The following MECOM variants were observed in gnomAD, a reference collection of about 807,000 sequenced individuals.
MECOM encodes histone-lysine N-methyltransferase MECOM.
MECOM carries 13 observed loss-of-function variants against 116.3 expected under a neutral mutation model. That is an observed-to-expected ratio of 0.11 (90% confidence interval 0.07 to 0.18). The LOEUF (loss-of-function observed/expected upper bound fraction) is 0.18. Among genes scored for constraint, MECOM ranks in the 10% least tolerant of loss-of-function variants. MECOM has a pLI of 1.00. For missense variants in MECOM, 1,299 were observed against 1,509.0 expected (o/e 0.86, Z 2.31); for synonymous variants, 528 against 535.2 (o/e 0.99, Z 0.19).
intron 1 of MECOM, among the ~76,000 whole-genome samples, chr3:169,641,197 T>C (rs549758485): frequency 2.0e-5 from 3 of 152,228 alleles, no homozygotes; most frequent in African/African-American, 7.2e-5. Context: ...CAGAGCAAGA[T>C]TAAGGAATCA....
chr3:169,381,589 A>G (rs749341036), intron 1 of MECOM, 65 bp from the exon 2 acceptor site: 2 of 1,224,778 alleles, frequency 1.6e-6, no homozygotes, highest in Non-Finnish European at 2.2e-6. Context: ...CCACAGGGGT[A>G]GCCACCTTAT....
At position 169,131,524 on chromosome 3, in the gene MECOM, T is replaced by C. The variant is rs1316879657; in HGVS notation, c.518A>G (p.Tyr173Cys). 2.5e-6 allele frequency: 4 copies of C among 1,611,224 alleles called. No individual in the cohort carries two copies. Among genetic ancestry groups the C allele is most frequent in the Admixed American group, 1.7e-5 (1 of 59,658 alleles). The change falls in exon 4 of 17, where the codon TAT (tyrosine) becomes TGT (cysteine). Residue 173 changes from tyrosine (Y) to cysteine (C), a missense_variant. This residue lies in a region of MECOM where 374 missense variants were observed against 433.4 expected (regional missense o/e 0.86). Transcript: ENST00000651503. ...VACQINDQIF[Y>C]RVVADIAPGE... is the part of the protein sequence containing the mutation. Reference sequence around the variant, plus strand: ...CGGCGCAATGTCTGCAACTACTCTATAGAATATCTTTAAAGACAAAATAAA... The same window carrying C: ...CGGCGCAATGTCTGCAACTACTCTACAGAATATCTTTAAAGACAAAATAAA...
chr3:169,131,943 C>T (rs905002008), intron 3 of MECOM: 12 of 996,264 alleles, frequency 1.2e-5, no homozygotes, highest in Non-Finnish European at 1.4e-5. Context: ...TACCTTGTAC[C>T]TTCCCCACTT....
chr3:169,394,821 A>G (rs1734770424), intron 1 of MECOM, among the ~76,000 whole-genome samples: 2 of 152,160 alleles, frequency 1.3e-5, no homozygotes, highest in South Asian at 2.1e-4. Flanking sequence ...TTTGCATAGT[A>G]CAAAGGATTT....
intron 1 of MECOM, among the ~76,000 whole-genome samples, chr3:169,634,553 CCCAGCT>C (rs1367662569): frequency 6.6e-6 from 1 of 152,128 alleles, no homozygotes; most frequent in Non-Finnish European, 1.5e-5. Context: ...GCAGAAGGGC[CCCAGCT>C]CCAGTCAACC....
chr3:169,485,995 GTA>G (rs1254284879), intron 1 of MECOM, among the ~76,000 whole-genome samples: 2 of 65,078 alleles, frequency 3.1e-5, no homozygotes, highest in Non-Finnish European at 6.0e-5. Context: ...GTATATATAT[GTA>G]TATATATACT....
At chr3:169,105,379 T>C (rs1158096435) in intron 10 of MECOM, among the ~76,000 whole-genome samples, 1 of 152,164 alleles carries the variant, frequency 6.6e-6, no homozygotes, top group Non-Finnish European at 1.5e-5. Flanking sequence ...CAACTCTCTC[T>C]TGCTATCTGG....
chr3:169,191,731 AGAAAGAAAGAG>A (rs1747643123), intron 2 of MECOM, among the ~76,000 whole-genome samples: 1 of 32,016 alleles, frequency 3.1e-5, no homozygotes, highest in African/African-American at 6.7e-5. Flanking sequence ...AAAGAAAGAA[AGAAAGAAAGAG>A]AAAGAAAGAA....
intron 2 of MECOM, among the ~76,000 whole-genome samples, chr3:169,358,817 A>T (rs2149818794): frequency 6.6e-6 from 1 of 151,928 alleles, no homozygotes; most frequent in East Asian, 1.9e-4. Flanking sequence ...GTGGCTTTCA[A>T]AAGGATAACA....
intron 2 of MECOM, among the ~76,000 whole-genome samples, chr3:169,186,097 T>C (rs1746668934): frequency 6.6e-6 from 1 of 152,138 alleles, no homozygotes; most frequent in Non-Finnish European, 1.5e-5. Flanking sequence ...CCTAGTATCT[T>C]ATGCTTCTGC....
chr3:169,660,339 C>T (rs1487076739), intron 1 of MECOM, among the ~76,000 whole-genome samples: 1 of 152,028 alleles, frequency 6.6e-6, no homozygotes, highest in Admixed American at 6.6e-5. Flanking sequence ...TTTTAACCTT[C>T]CCAAATGATT....
chr3:169,366,958 A>G (rs928694131), intron 2 of MECOM, among the ~76,000 whole-genome samples: 1 of 152,098 alleles, frequency 6.6e-6, no homozygotes, highest in African/African-American at 2.4e-5. Context: ...CATGGCAAGA[A>G]TAAAAGAGAT....
intron 2 of MECOM, among the ~76,000 whole-genome samples, chr3:169,309,469 C>T (rs1055925549): frequency 6.6e-6 from 1 of 152,120 alleles, no homozygotes; most frequent in Admixed American, 6.5e-5. Flanking sequence ...CAAAAACTAA[C>T]TTCATCTGGA....
At chr3:169,539,739 A>G (rs1017056051) in intron 1 of MECOM, among the ~76,000 whole-genome samples, 1 of 151,662 alleles carries the variant, frequency 6.6e-6, no homozygotes, top group African/African-American at 2.4e-5. Context: ...ATCAGACCAC[A>G]GCACTTTCCT....
chr3:169,582,289 A>G (rs886886572), intron 1 of MECOM, among the ~76,000 whole-genome samples: 1 of 152,120 alleles, frequency 6.6e-6, no homozygotes, highest in African/African-American at 2.4e-5. Flanking sequence ...GGAGAAAGGA[A>G]AGGACTAAAT....
intron 2 of MECOM, among the ~76,000 whole-genome samples, chr3:169,283,637 A>G (rs2149683000): frequency 6.6e-6 from 1 of 152,236 alleles, no homozygotes; most frequent in South Asian, 2.1e-4. Context: ...TCTCTCTCAT[A>G]TTTAATGGAC....
intron 2 of MECOM, among the ~76,000 whole-genome samples, chr3:169,233,144 A>G (rs1387736422): frequency 1.3e-5 from 2 of 152,088 alleles, no homozygotes; most frequent in Non-Finnish European, 2.9e-5. Flanking sequence ...TGGTTTTCCT[A>G]TGTTTCAATT....
At chr3:169,368,851 T>C (rs1729612058) in intron 2 of MECOM, among the ~76,000 whole-genome samples, 1 of 151,988 alleles carries the variant, frequency 6.6e-6, no homozygotes, top group Non-Finnish European at 1.5e-5. Flanking sequence ...AGGGAAGCAA[T>C]AATCATGCAA....
At chr3:169,406,769 A>T (rs548752284) in intron 1 of MECOM, among the ~76,000 whole-genome samples, 2 of 152,094 alleles carry the variant, frequency 1.3e-5, no homozygotes, top group Admixed American at 6.5e-5. Context: ...CATTAAAACC[A>T]GTCTTCTTGA....
Sources: allele counts gnomAD v4.1 joint callset (sites outside exome capture counted in the v4.1 genomes callset), GRCh38; gene constraint gnomAD v4.1.1; regional missense constraint gnomAD v4.1.1; transcripts MANE v1.5; gene names NCBI Gene and HGNC (gene_info 2026-07-23, HGNC 2026-07-21).